WNT7B: variants seen among roughly 807,000 people sequenced by gnomAD.
The protein encoded by WNT7B is protein Wnt-7b.
A neutral mutation model predicts 38.2 loss-of-function variants in WNT7B; 19 were observed. The ratio of observed to expected loss-of-function variants is 0.50; its 90% CI spans 0.35 to 0.73. The LOEUF is 0.73. Among genes scored for constraint, WNT7B ranks in the 30% least tolerant of loss-of-function variants. WNT7B has a pLI of 0.01. For missense variants in WNT7B, 423 were observed against 507.9 expected (o/e 0.83, Z 1.61); for synonymous variants, 243 against 209.3 (o/e 1.16, Z -1.39).
At chr22:45,946,288 C>G (rs1931793573) in intron 2 of WNT7B, among the ~76,000 whole-genome samples, 1 of 152,220 alleles carries the variant, frequency 6.6e-6, no homozygotes, top group African/African-American at 2.4e-5. Flanking sequence ...GCTGTTCCGT[C>G]CACCTGGCAC....
intron 1 of WNT7B, chr22:45,972,116 G>GGGGGGGGGCCC: frequency 5.7e-6 from 3 of 530,736 alleles, no homozygotes; most frequent in African/African-American, 2.1e-5. Flanking sequence ...CCCGGGGGGA[G>GGGGGGGGGCCC]CCCACCCGCC....
At chr22:45,927,111 C>CT in intron 3 of WNT7B, 1 of 984,616 alleles carries the variant, frequency 1.0e-6, no homozygotes, top group Non-Finnish European at 1.2e-6. Flanking sequence ...CTTGCCTTCA[C>CT]TGGGTTGGTC....
chr22:45,968,528 G>A (rs1432529592), intron 1 of WNT7B, among the ~76,000 whole-genome samples: 5 of 152,192 alleles, frequency 3.3e-5, no homozygotes, highest in African/African-American at 1.2e-4. Flanking sequence ...TTGGCCTCAC[G>A]GGAAACCATG....
intron 1 of WNT7B, chr22:45,954,881 C>T (rs1932024245): frequency 1.9e-6 from 1 of 527,980 alleles, no homozygotes; most frequent in Non-Finnish European, 2.4e-6. Flanking sequence ...TGGTGCCATC[C>T]TCATTTTGCA....
Position 45,950,089 on chromosome 22 carries a change from G to A in WNT7B, c.129C>T (p.Gly43=), listed in dbSNP as rs780876715. The A allele has an allele frequency of 6.2e-7, 1 of 1,614,050 alleles. No individual in the cohort carries two copies. The highest frequency in any genetic ancestry group is 8.5e-7 in the Non-Finnish European group (1 of 1,180,040). The change falls in exon 2 of 4, where the codon GGC becomes GGT. Residue 43 remains glycine (G), a synonymous_variant. Transcript: ENST00000339464. Reference sequence around the variant, plus strand: ...AGATGGCACGCTGCCGCGGGGCTAGGCCAGGAATCTTGTTGCAGATGATGT... The same window carrying A: ...AGATGGCACGCTGCCGCGGGGCTAGACCAGGAATCTTGTTGCAGATGATGT... ...GANIICNKIP[G]LAPRQRAICQ... is the part of the protein sequence containing the mutation.
chr22:45,932,379 C>T (rs750618420), intron 2 of WNT7B, among the ~76,000 whole-genome samples: 3 of 152,026 alleles, frequency 2.0e-5, no homozygotes, highest in East Asian at 1.9e-4. Flanking sequence ...TTCCAAGGCC[C>T]GGGTCTGAGG....
At position 45,933,301 on chromosome 22, in the gene WNT7B, A is replaced by C. The variant is rs548897250; in HGVS notation, c.299-1932T>G. 9.2e-5 allele frequency among the ~76,000 whole-genome samples: 14 copies of C among 152,334 alleles called. No homozygotes were observed. The East Asian group carries it at 2.5e-3, about 27-fold the overall frequency. ...GATCAGCCTCCTCTGAGCTGCAGGC[A>C]GCACAGCCCCTGCCTTTGAAGGGCC... On this transcript the variant is annotated intron_variant, in intron 2 of 3. Coordinates refer to ENST00000339464, the MANE Select transcript of WNT7B (RefSeq NM_058238.3).
Position 45,922,683 on chromosome 22 carries a change from G to A in WNT7B, c.*173C>T. On this transcript the variant is annotated 3_prime_UTR_variant, in exon 4 of 4. Transcript: ENST00000339464. Reference sequence around the variant, plus strand: ...GAGGAGGTGGCAGGAAGGAGCCCCAGGGAGGCGGGCAGAGGGCGTGGGCCC... The same window carrying A: ...GAGGAGGTGGCAGGAAGGAGCCCCAAGGAGGCGGGCAGAGGGCGTGGGCCC... 2 of 1,063,772 alleles carry A rather than the reference G, an allele frequency of 1.9e-6. No homozygotes were observed. The highest frequency in any genetic ancestry group is 2.6e-6 in the Non-Finnish European group (2 of 762,262). The allele number at this position is 1,063,772 out of a possible 1,614,324, so 65.9% of individuals were successfully genotyped here.
chr22:45,942,109 G>C (rs1206273945), intron 2 of WNT7B, among the ~76,000 whole-genome samples: 4 of 152,112 alleles, frequency 2.6e-5, no homozygotes, highest in Non-Finnish European at 5.9e-5. Flanking sequence ...TACTGTCCCC[G>C]CCTCCCCAGT....
rs73175047 is a variant in WNT7B at position 45,921,379 on chromosome 22, G to T, written c.*1477C>A. The T allele has an allele frequency of 0.1, 15,540 of 152,460 alleles. 1,011 individuals carry two copies. Among genetic ancestry groups the T allele is most frequent in the East Asian group, 0.2 (1,031 of 5,180 alleles). 9.4% of individuals were successfully genotyped at this position (152,460 alleles called of 1,614,324 possible). ...TGCAGGCCCCAATGAGGCTGTCAGG[G>T]GGTGGAGGGAGCAGCCAAGTGCCTC... is the stretch of plus-strand genomic sequence containing the variant. On this transcript the variant is annotated 3_prime_UTR_variant, in exon 4 of 4. Transcript: ENST00000339464.
chr22:45,960,524 G>C (rs928861157), intron 1 of WNT7B, among the ~76,000 whole-genome samples: 17 of 152,182 alleles, frequency 1.1e-4, no homozygotes, highest in Non-Finnish European at 2.4e-4. Context: ...TGGGTGGCAG[G>C]GACAGGCTGG....
chr22:45,928,590 A>C (rs1436300119), intron 3 of WNT7B, among the ~76,000 whole-genome samples: 4 of 146,692 alleles, frequency 2.7e-5, no homozygotes, highest in African/African-American at 1.0e-4. Context: ...TCTCCTGCCC[A>C]CCCGTGGGGA....
intron 3 of WNT7B, chr22:45,926,075 G>T: frequency 1.0e-6 from 1 of 985,446 alleles, no homozygotes; most frequent in Non-Finnish European, 1.2e-6. Context: ...GGCCAGGCCC[G>T]TGACCATCCG....
intron 1 of WNT7B, among the ~76,000 whole-genome samples, chr22:45,962,850 G>A (rs1045015493): frequency 1.3e-5 from 2 of 152,242 alleles, no homozygotes; most frequent in African/African-American, 4.8e-5. Flanking sequence ...TGAAACCTCA[G>A]GACAGATGGG....
intron 3 of WNT7B, among the ~76,000 whole-genome samples, chr22:45,930,790 C>T (rs756217885): frequency 2.0e-5 from 3 of 152,192 alleles, no homozygotes; most frequent in South Asian, 2.1e-4. Flanking sequence ...TGGGACCCTC[C>T]GCCACGGGGT....
chr22:45,940,237 T>C (rs1032188512), intron 2 of WNT7B, among the ~76,000 whole-genome samples: 1 of 152,006 alleles, frequency 6.6e-6, no homozygotes, highest in Non-Finnish European at 1.5e-5. Flanking sequence ...GGGTATGAAC[T>C]AAGACCCCCC....
At chr22:45,943,431 G>A (rs939749887) in intron 2 of WNT7B, among the ~76,000 whole-genome samples, 18 of 152,358 alleles carry the variant, frequency 1.2e-4, no homozygotes, top group African/African-American at 3.1e-4. Flanking sequence ...AGCAGGCTCC[G>A]AGTGGGAAGG....
Position 45,976,884 on chromosome 22 carries a change from G to T in WNT7B, c.-130C>A. 1 of 1,009,744 alleles carries T rather than the reference G, an allele frequency of 9.9e-7. No homozygotes were observed. The highest frequency in any genetic ancestry group is 1.2e-6 in the Non-Finnish European group (1 of 843,374). 62.5% of individuals were successfully genotyped at this position (1,009,744 alleles called of 1,614,324 possible). A position where few individuals can be genotyped will look rare whatever the true frequency, so the allele number is the denominator to read the frequency against. On this transcript the variant is annotated 5_prime_UTR_variant, in exon 1 of 4. Coordinates refer to ENST00000339464, the MANE Select transcript of WNT7B (RefSeq NM_058238.3). This position sits in a 1 kb window ranked among gnomAD's most constrained non-coding sequence, Gnocchi z 8.5. ...GCCCGCGCTGCGGCTCGGGCGGCCG[G>T]CGACGCGCGGGCACTCGGCGCGCGC...
At chr22:45,972,699 C>T (rs1932477357) in intron 1 of WNT7B, 1 of 152,264 alleles carries the variant, frequency 6.6e-6, no homozygotes, top group South Asian at 2.1e-4. Context: ...GCCCAAGTTG[C>T]CTTGGCTGGG....
Sources: gnomAD v4.1 joint callset for allele counts (sites outside exome capture counted in the v4.1 genomes callset) on GRCh38, gnomAD v4.1.1 for gene constraint, Gnocchi (gnomAD v3.1) non-coding constraint, MANE v1.5 for transcripts, NCBI Gene and HGNC (gene_info 2026-07-23, HGNC 2026-07-21) for gene names.